The following NUP153 variants were observed in gnomAD, a reference collection of about 807,000 sequenced individuals.
NUP153 encodes the protein nucleoporin 153.
In NUP153, 27 loss-of-function variants were observed where a neutral mutation model predicts 134.6. That is an observed-to-expected ratio of 0.20 (90% CI 0.15 to 0.28). The LOEUF (loss-of-function observed/expected upper bound fraction) is 0.28. NUP153 is among the 10% of genes least tolerant of loss of function. The pLI is 1.00. For synonymous variants in NUP153, 640 were observed against 623.5 expected, an observed-to-expected ratio of 1.03 and a Z score of -0.40; for missense variants, 1,821 against 1,731.3, an observed-to-expected ratio of 1.05 and a Z score of -0.92.
chr6:17,706,263 T>A lies in NUP153; in HGVS notation c.111+14A>T. ...CCCCACCCGCCAGGCCACCGCGGCG[T>A]CGGGGTCCCATACCTGATGCTGTTG... On this transcript the variant is annotated intron_variant, in intron 1 of 21. Transcript: ENST00000262077. This position sits in a 1 kb window ranked among gnomAD's most constrained non-coding sequence, Gnocchi z 5.9. 1 of 1,600,582 alleles carries A rather than the reference T, an allele frequency of 6.2e-7. No individual in the cohort carries two copies. The highest frequency in any genetic ancestry group is 8.6e-7 in the Non-Finnish European group (1 of 1,168,348).
At chr6:17,683,618 C>T (rs1400133358) in intron 2 of NUP153, among the ~76,000 whole-genome samples, 1 of 152,142 alleles carries the variant, frequency 6.6e-6, no homozygotes, top group Non-Finnish European at 1.5e-5. Flanking sequence ...TTCAATTACA[C>T]AGCACAGGCA....
At chr6:17,650,026 C>T (rs1485640753) in intron 11 of NUP153, among the ~76,000 whole-genome samples, 1 of 152,170 alleles carries the variant, frequency 6.6e-6, no homozygotes, top group Admixed American at 6.6e-5. Flanking sequence ...GAACAAAGAG[C>T]ACCCTAAGTC....
chr6:17,699,565 G>A (rs558451028), intron 1 of NUP153, among the ~76,000 whole-genome samples: 5 of 152,030 alleles, frequency 3.3e-5, no homozygotes, highest in African/African-American at 9.6e-5. Context: ...GGCTGGGCAA[G>A]GTGGCTCACG....
intron 20 of NUP153, among the ~76,000 whole-genome samples, chr6:17,621,953 CTTTAAAATATT>C (rs1764662396): frequency 6.6e-6 from 1 of 151,874 alleles, no homozygotes; most frequent in Non-Finnish European, 1.5e-5. Context: ...AAATGAAAAA[CTTTAAAATATT>C]TTTTTAAAGT....
chr6:17,702,729 C>G (rs1770199860), intron 1 of NUP153, among the ~76,000 whole-genome samples: 1 of 151,902 alleles, frequency 6.6e-6, no homozygotes, highest in Admixed American at 6.6e-5. Context: ...TGCATCTAGG[C>G]AAAAAGGTAA....
At chr6:17,671,234 A>T (rs947608774) in intron 5 of NUP153, among the ~76,000 whole-genome samples, 3 of 152,110 alleles carry the variant, frequency 2.0e-5, no homozygotes, top group African/African-American at 7.2e-5. Flanking sequence ...GTTTGTGTCT[A>T]TAATTCATGA....
chr6:17,692,067 T>C (rs1769310825), intron 1 of NUP153, among the ~76,000 whole-genome samples: 1 of 152,226 alleles, frequency 6.6e-6, no homozygotes, highest in Admixed American at 6.5e-5. Flanking sequence ...TCCCTATCCA[T>C]CTGGAAGGCA....
intron 1 of NUP153, among the ~76,000 whole-genome samples, chr6:17,703,265 C>T (rs1232699223): frequency 1.3e-5 from 2 of 151,526 alleles, no homozygotes; most frequent in Admixed American, 1.3e-4. Context: ...ACAGCATTTC[C>T]CAGGAGAGCT....
intron 2 of NUP153, 33 bp downstream of exon 2, chr6:17,688,363 T>A (rs749545677): frequency 1.3e-6 from 2 of 1,533,736 alleles, no homozygotes; most frequent in South Asian, 2.2e-5. Context: ...TGAAAACCTA[T>A]CATTCATGAC....
Position 17,649,208 on chromosome 6 carries a change from A to T in NUP153, c.1488T>A (p.Thr496=). 1 of 1,613,930 alleles carries T rather than the reference A, an allele frequency of 6.2e-7. No individual in the cohort carries two copies. The highest frequency in any genetic ancestry group is 8.5e-7 in the Non-Finnish European group (1 of 1,179,904). ...ACGAATTGATGGGTGATGGAGAGGA[A>T]GTTGTGATCTCAGGGGAACTAAAAT... ...TFNFSSPEIT[T]SSPSPINSSQ... is the part of the protein sequence containing the mutation. Residue 496 remains threonine, a synonymous_variant, in exon 12 of 22, where the codon ACT becomes ACA. Transcript: ENST00000262077.
intron 5 of NUP153, among the ~76,000 whole-genome samples, chr6:17,673,000 AG>A (rs1768004559): frequency 6.6e-6 from 1 of 152,174 alleles, no homozygotes; most frequent in Non-Finnish European, 1.5e-5. Flanking sequence ...AAAATATCTC[AG>A]ATACGACACC....
intron 13 of NUP153, among the ~76,000 whole-genome samples, chr6:17,646,431 C>A (rs1581698463): frequency 6.6e-6 from 1 of 152,218 alleles, no homozygotes; most frequent in South Asian, 2.1e-4. Context: ...TGGTCTCGAT[C>A]TACTGACCTT....
chr6:17,688,511 G>A lies in NUP153; in HGVS notation c.219C>T (p.Ser73=), dbSNP rs1295011678. The A allele has an allele frequency of 4.3e-6, 7 of 1,613,850 alleles. No individual in the cohort carries two copies. In the African/African-American group the frequency reaches 5.3e-5, roughly 12 times the overall value. ...EDVCSCSTDT[S]EVPRWPENKE... ...TATTTTCTGGCCAGCGTGGAACCTC[G>A]CTTGTGTCTGTTGAACAGCTGCATA... Residue 73 remains serine, a synonymous_variant, in exon 2 of 22, where the codon AGC becomes AGT. Coordinates refer to ENST00000262077, the MANE Select transcript of NUP153 (RefSeq NM_005124.4).
chr6:17,618,078 A>G (rs533435654), intron 20 of NUP153, among the ~76,000 whole-genome samples: 1 of 152,230 alleles, frequency 6.6e-6, no homozygotes, highest in South Asian at 2.1e-4. Flanking sequence ...CTGGCAAATG[A>G]AGTTCTCTGA....
At chr6:17,644,124 T>C (rs1372951114) in intron 14 of NUP153, among the ~76,000 whole-genome samples, 1 of 152,242 alleles carries the variant, frequency 6.6e-6, no homozygotes, top group Non-Finnish European at 1.5e-5. Context: ...TCTGGCCTCT[T>C]ATCTTCAAGA....
chr6:17,698,809 G>C (rs1034084889), intron 1 of NUP153, among the ~76,000 whole-genome samples: 1 of 150,976 alleles, frequency 6.6e-6, no homozygotes, highest in Non-Finnish European at 1.5e-5. Context: ...CGGGGCGGAG[G>C]TTGCAGTGAG....
chr6:17,675,600 T>C lies in NUP153; in HGVS notation c.505A>G (p.Ile169Val), dbSNP rs955517158. 6.2e-7 allele frequency: 1 copy of C among 1,614,138 alleles called. No homozygotes were observed. Among genetic ancestry groups the C allele is most frequent in the Admixed American group, 1.7e-5 (1 of 60,012 alleles). Residue 169 changes from isoleucine to valine, a missense_variant, in exon 3 of 22, where the codon ATT becomes GTT. Coordinates refer to ENST00000262077, the MANE Select transcript of NUP153 (RefSeq NM_005124.4). This position sits in a 1 kb window ranked among gnomAD's most constrained non-coding sequence, Gnocchi z 4.4. ...GSSGFSLVKE[I>V]KDSTSQHDDD... is the part of the protein sequence containing the mutation. ...TCATGCTGAGAGGTAGAATCTTTAA[T>C]TTCCTTTACAAGGGAAAATCCCGAA... is the stretch of plus-strand genomic sequence containing the variant.
rs372121201 is a variant in NUP153 at position 17,616,088 on chromosome 6, A to C, written c.*9T>G. On this transcript the variant is annotated 3_prime_UTR_variant, in exon 22 of 22. Coordinates refer to ENST00000262077, the MANE Select transcript of NUP153 (RefSeq NM_005124.4). ...GTTGTTAAAATTGAGTACAACACCA[A>C]TGTGACCTTTATTTCCTGCGTCTAA... 5.0e-6 allele frequency: 8 copies of C among 1,597,742 alleles called. No homozygotes were observed. The highest frequency in any genetic ancestry group is 6.9e-6 in the Non-Finnish European group (8 of 1,165,018).
chr6:17,669,937 T>C (rs146804964), intron 5 of NUP153, among the ~76,000 whole-genome samples: 126 of 151,300 alleles, frequency 8.3e-4, no homozygotes, highest in African/African-American at 2.9e-3. Context: ...TGTATTAAAA[T>C]ACAAAAAATT....
Sources: gnomAD v4.1 joint callset for allele counts (sites outside exome capture counted in the v4.1 genomes callset) on GRCh38, gnomAD v4.1.1 for gene constraint, Gnocchi (gnomAD v3.1) non-coding constraint, MANE v1.5 for transcripts, NCBI Gene and HGNC (gene_info 2026-07-23, HGNC 2026-07-21) for gene names.